Variants in RASSF8 observed in about 807,000 individuals in gnomAD.
The protein encoded by RASSF8 is Ras association domain family member 8, also known as ras association domain-containing protein 8.
A neutral mutation model predicts 48.5 loss-of-function variants in RASSF8; 22 were observed. The observed-to-expected ratio is 0.45, with a 90% CI of 0.32 to 0.65. The LOEUF is 0.65. Ranked by LOEUF, RASSF8 falls within the 30% of genes least tolerant of loss-of-function variation. The probability of loss-of-function intolerance (pLI) is 0.03; values close to 1 mark genes in which losing one functional copy is unlikely to be tolerated. For missense variants in RASSF8, 418 were observed against 489.2 expected (o/e 0.85, Z 1.37); for synonymous variants, 127 against 171.5 (o/e 0.74, Z 2.03).
intron 3 of RASSF8, among the ~76,000 whole-genome samples, chr12:26,058,538 G>GCACACACACA (rs61465811): frequency 6.7e-6 from 1 of 148,998 alleles, no homozygotes; most frequent in African/African-American, 2.5e-5. Flanking sequence ...ACGCGCGCGC[G>GCACACACACA]CACACACACA....
intron 2 of RASSF8, among the ~76,000 whole-genome samples, chr12:26,010,743 ATTG>A (rs1296906177): frequency 3.3e-5 from 5 of 152,018 alleles, no homozygotes; most frequent in African/African-American, 1.2e-4. Flanking sequence ...GAACAATTCT[ATTG>A]TTGGTGATAG....
intron 1 of RASSF8, among the ~76,000 whole-genome samples, chr12:25,980,483 C>T (rs1021220815): frequency 1.3e-5 from 2 of 152,166 alleles, no homozygotes; most frequent in East Asian, 1.9e-4. Flanking sequence ...CCAGAGACTG[C>T]GTCTTCCAAA....
intron 3 of RASSF8, among the ~76,000 whole-genome samples, chr12:26,057,100 T>TTGTGTGTGTGTGTGTGTG (rs57510363): frequency 3.9e-5 from 5 of 128,840 alleles, no homozygotes; most frequent in African/African-American, 1.3e-4. Flanking sequence ...AATGACACTT[T>TTGTGTGTGTGTGTGTGTG]TGTGTGTGTG....
chr12:25,973,294 A>G (rs924429886), intron 1 of RASSF8, among the ~76,000 whole-genome samples: 3 of 151,948 alleles, frequency 2.0e-5, no homozygotes, highest in Non-Finnish European at 4.4e-5. Context: ...TGTGGGACAT[A>G]TGAAGGGGAA....
intron 1 of RASSF8, among the ~76,000 whole-genome samples, chr12:25,976,217 C>T (rs1276541965): frequency 2.6e-5 from 4 of 152,186 alleles, no homozygotes; most frequent in Admixed American, 2.0e-4. Context: ...GAAAGGAAAA[C>T]TGTAACCCTC....
At chr12:26,005,679 A>G (rs888930668) in intron 2 of RASSF8, among the ~76,000 whole-genome samples, 3 of 152,224 alleles carry the variant, frequency 2.0e-5, no homozygotes, top group African/African-American at 7.2e-5. Context: ...TTTGAGGAAC[A>G]TATAGTCTCA....
Position 26,070,981 on chromosome 12 carries a change from C to T in RASSF8, c.*2163C>T. The T allele has an allele frequency of 1.0e-6, 1 of 984,844 alleles. No homozygotes were observed. The highest frequency in any genetic ancestry group is 1.2e-6 in the Non-Finnish European group (1 of 829,412). 61.0% of individuals were successfully genotyped at this position (984,844 alleles called of 1,614,324 possible). A position where few individuals can be genotyped will look rare whatever the true frequency, so the allele number is the denominator to read the frequency against. On this transcript the variant is annotated 3_prime_UTR_variant, in exon 6 of 6. Transcript: ENST00000689635. Reference sequence around the variant, plus strand: ...TAGTCTTGGGTTCCCAGCAGAGTATCACAGTTAACCTCTCTGACAACTTCA... The same window carrying T: ...TAGTCTTGGGTTCCCAGCAGAGTATTACAGTTAACCTCTCTGACAACTTCA...
At position 25,959,135 on chromosome 12, in the gene RASSF8, A is replaced by T. The variant is rs1415438926; in HGVS notation, c.-216A>T. The T allele has an allele frequency of 6.6e-6, 1 of 151,470 alleles. No homozygotes were observed. The highest frequency in any genetic ancestry group is 1.9e-4 in the East Asian group (1 of 5,160). 9.4% of individuals were successfully genotyped at this position (151,470 alleles called of 1,614,324 possible). A position where few individuals can be genotyped will look rare whatever the true frequency, so the allele number is the denominator to read the frequency against. Reference sequence around the variant, plus strand: ...TCTGGGCGGCCTGCGGGGGCGGCGCAGTTGCGAAACTGAGTAAGTATTAAC... The same window carrying T: ...TCTGGGCGGCCTGCGGGGGCGGCGCTGTTGCGAAACTGAGTAAGTATTAAC... On this transcript the variant is annotated 5_prime_UTR_variant, in exon 1 of 6. Transcript: ENST00000689635.
At chr12:26,004,197 C>G (rs993796268) in intron 2 of RASSF8, among the ~76,000 whole-genome samples, 4 of 152,092 alleles carry the variant, frequency 2.6e-5, no homozygotes, top group African/African-American at 9.7e-5. Context: ...AACAAAACTT[C>G]TTGAGACTGG....
chr12:26,024,714 T>G (rs998016950), intron 2 of RASSF8, among the ~76,000 whole-genome samples: 1 of 152,186 alleles, frequency 6.6e-6, no homozygotes, highest in Non-Finnish European at 1.5e-5. Flanking sequence ...ACCAGCACTT[T>G]GGGAGGCTGA....
At chr12:25,980,483 C>G (rs1021220815) in intron 1 of RASSF8, among the ~76,000 whole-genome samples, 1 of 152,166 alleles carries the variant, frequency 6.6e-6, no homozygotes, top group Admixed American at 6.5e-5. Flanking sequence ...CCAGAGACTG[C>G]GTCTTCCAAA....
chr12:26,069,305 G>A lies in RASSF8; in HGVS notation c.*487G>A, dbSNP rs1237625768. ...TGCCAGACTCCATCCATGCATTGCT[G>A]ATTTACACTACACAAGTGTCCTAGG... On this transcript the variant is annotated 3_prime_UTR_variant, in exon 6 of 6. Transcript: ENST00000689635. The A allele has an allele frequency of 1.0e-6, 1 of 985,222 alleles. No homozygotes were observed. Among genetic ancestry groups the A allele is most frequent in the African/African-American group, 1.7e-5 (1 of 57,170 alleles). 61.0% of individuals were successfully genotyped at this position (985,222 alleles called of 1,614,324 possible).
At chr12:26,067,197 TTTTTTC>T (rs1943894876) in intron 4 of RASSF8, among the ~76,000 whole-genome samples, 1 of 151,756 alleles carries the variant, frequency 6.6e-6, no homozygotes, top group Non-Finnish European at 1.5e-5. Context: ...ACCTGTGGGG[TTTTTTC>T]TTTTTATTTT....
chr12:26,037,100 T>C (rs1322654879), intron 2 of RASSF8, among the ~76,000 whole-genome samples: 5 of 152,144 alleles, frequency 3.3e-5, no homozygotes, highest in African/African-American at 4.8e-5. Context: ...TGAAAAAGTC[T>C]ACCCAGGGAC....
In RASSF8 at chr12:25,986,901, G is replaced by A. The variant is rs146035032; in HGVS notation, c.-202-8136G>A. 4.2e-3 allele frequency among the ~76,000 whole-genome samples: 624 copies of A among 149,588 alleles called. 4 individuals are homozygous for A. Among genetic ancestry groups the A allele is most frequent in the African/African-American group, 0.014 (574 of 40,856 alleles). On this transcript the variant is annotated intron_variant, in intron 1 of 5. Transcript: ENST00000689635. The stretch of plus-strand genomic sequence containing the variant: ...GCTACCATTTTTTTTGTAACTTGGG[G>A]CAGGATTGAACTACCGTTTTTTTTT...
chr12:26,072,435 T>G lies in RASSF8; in HGVS notation c.*3617T>G. On this transcript the variant is annotated 3_prime_UTR_variant, in exon 6 of 6. Coordinates refer to ENST00000689635, the MANE Select transcript of RASSF8 (RefSeq NM_001394098.1). ...GGAGCTCTTTTCAATGCATTTTATA[T>G]ATTTTTAGAAACCAAATAAATGCAG... 1 of 975,084 alleles carries G rather than the reference T, an allele frequency of 1.0e-6. No individual in the cohort carries two copies. The highest frequency in any genetic ancestry group is 1.2e-6 in the Non-Finnish European group (1 of 820,542). The allele number at this position is 975,084 out of a possible 1,614,324, so 60.4% of individuals were successfully genotyped here.
At chr12:26,042,733 T>G (rs1275254138) in intron 2 of RASSF8, among the ~76,000 whole-genome samples, 2 of 152,228 alleles carry the variant, frequency 1.3e-5, no homozygotes, top group East Asian at 3.8e-4. Flanking sequence ...TATAAATTAT[T>G]TCAATTAATT....
At chr12:25,977,228 CTT>C (rs1941626908) in intron 1 of RASSF8, among the ~76,000 whole-genome samples, 1 of 152,178 alleles carries the variant, frequency 6.6e-6, no homozygotes, top group Non-Finnish European at 1.5e-5. Flanking sequence ...CTGATTCTGA[CTT>C]ATTACCAGTG....
intron 2 of RASSF8, among the ~76,000 whole-genome samples, chr12:26,032,029 C>G (rs1342956737): frequency 6.6e-6 from 1 of 152,154 alleles, no homozygotes; most frequent in Non-Finnish European, 1.5e-5. Context: ...CTTCCCATAT[C>G]CCAGAAGTAG....
Sources: gnomAD v4.1 joint callset for allele counts (sites outside exome capture counted in the v4.1 genomes callset) on GRCh38, gnomAD v4.1.1 for gene constraint, MANE v1.5 for transcripts, NCBI Gene and HGNC (gene_info 2026-07-23, HGNC 2026-07-21) for gene names.